CORO1C: variants seen among roughly 807,000 people sequenced by gnomAD.
The protein encoded by CORO1C is coronin 1C.
In CORO1C, 14 loss-of-function variants were observed where a neutral mutation model predicts 51.2. The observed-to-expected ratio is 0.27, with a 90% confidence interval of 0.18 to 0.43. The LOEUF is 0.43. CORO1C is among the 20% of genes least tolerant of loss of function. The probability of loss-of-function intolerance (pLI) is 1.00; values close to 1 mark genes in which losing one functional copy is unlikely to be tolerated. For missense variants in CORO1C, 417 were observed against 607.8 expected, an observed-to-expected ratio of 0.69 and a Z score of 3.30; for synonymous variants, 181 against 210.5, an observed-to-expected ratio of 0.86 and a Z score of 1.21.
rs1223375075 is a variant in CORO1C, at chr12:108,647,136, AAGTT to A, written c.*263_*266del. On this transcript the variant is annotated 3_prime_UTR_variant, in exon 11 of 11. Coordinates refer to ENST00000261401, the MANE Select transcript of CORO1C (RefSeq NM_014325.4). The stretch of plus-strand genomic sequence containing the variant: ...GATTTTAAAAGTAGCACTTTTTAAA[AAGTT>A]CAACAAGTCACATAACACTTAAAAC... The A allele has an allele frequency of 3.1e-6, 1 of 323,800 alleles. No individual in the cohort carries two copies. Among genetic ancestry groups the A allele is most frequent in the Non-Finnish European group, 5.6e-6 (1 of 180,012 alleles). 20.1% of individuals were successfully genotyped at this position (323,800 alleles called of 1,614,324 possible). A position where few individuals can be genotyped will look rare whatever the true frequency, so the allele number is the denominator to read the frequency against.
At chr12:108,659,020 GAGAGAGAGAGAGAGAA>G (rs2033145023) in intron 4 of CORO1C, 101 bp from the exon 5 acceptor site, 4 of 492,536 alleles carry the variant, frequency 8.1e-6, no homozygotes, top group African/African-American at 4.1e-5. Flanking sequence ...TGTATATGCA[GAGAGAGAGAGAGAGAA>G]AGAGAGAGAG....
At chr12:108,693,169 A>C (rs888460263) in intron 2 of CORO1C, among the ~76,000 whole-genome samples, 2 of 152,168 alleles carry the variant, frequency 1.3e-5, no homozygotes, top group African/African-American at 4.8e-5. Context: ...AATTAATAAA[A>C]ATATACATGT....
At chr12:108,698,944 T>C (rs1356569143) in intron 2 of CORO1C, among the ~76,000 whole-genome samples, 1 of 152,170 alleles carries the variant, frequency 6.6e-6, no homozygotes, top group African/African-American at 2.4e-5. Context: ...CTATCGACTA[T>C]AGAAACCCAA....
chr12:108,715,825 C>T (rs1368559451), intron 1 of CORO1C, among the ~76,000 whole-genome samples: 1 of 152,014 alleles, frequency 6.6e-6, no homozygotes, highest in Non-Finnish European at 1.5e-5. Flanking sequence ...AGTGACCTAG[C>T]AATCTCACTT....
chr12:108,686,753 C>T (rs1471219522), intron 2 of CORO1C, among the ~76,000 whole-genome samples: 1 of 152,198 alleles, frequency 6.6e-6, no homozygotes, highest in African/African-American at 2.4e-5. Context: ...AGGCTCTGCT[C>T]CAGAGCCAGT....
chr12:108,669,069 G>C (rs1389262843), intron 3 of CORO1C, among the ~76,000 whole-genome samples: 1 of 152,138 alleles, frequency 6.6e-6, no homozygotes, highest in Non-Finnish European at 1.5e-5. Context: ...GTACATGAAA[G>C]GTAAACTGTG....
intron 1 of CORO1C, among the ~76,000 whole-genome samples, chr12:108,721,600 A>G (rs1179711650): frequency 6.6e-6 from 1 of 152,250 alleles, no homozygotes; most frequent in African/African-American, 2.4e-5. Flanking sequence ...CAGAAAAATC[A>G]AGTCCCTAAT....
intron 1 of CORO1C, among the ~76,000 whole-genome samples, chr12:108,716,053 C>T (rs1031543790): frequency 2.1e-5 from 3 of 140,386 alleles, no homozygotes; most frequent in African/African-American, 5.3e-5. Flanking sequence ...ATCGCTTGAA[C>T]CCGGAAGTCG....
chr12:108,666,784 CTG>C (rs2033494867), intron 3 of CORO1C, among the ~76,000 whole-genome samples: 4 of 152,136 alleles, frequency 2.6e-5, no homozygotes, highest in Admixed American at 2.6e-4. Flanking sequence ...CTGGGGACAG[CTG>C]TGCTTACTCA....
chr12:108,652,412 G>A lies in CORO1C; in HGVS notation c.861C>T (p.Asp287=), dbSNP rs1322258654. The A allele has an allele frequency of 6.2e-7, 1 of 1,613,020 alleles. No homozygotes were observed. Among genetic ancestry groups the A allele is most frequent in the Non-Finnish European group, 8.5e-7 (1 of 1,179,142 alleles). Residue 287 remains aspartate, a synonymous_variant, in exon 8 of 11, where the codon GAC becomes GAT. Coordinates refer to ENST00000261401, the MANE Select transcript of CORO1C (RefSeq NM_014325.4). ...TSIIYLCGKG[D]SSIRYFEITD... The stretch of plus-strand genomic sequence containing the variant: ...TGATCTCAAAATAGCGAATACTGCT[G>A]TCACCCTGTAAGAAACCAGAGACAA...
At chr12:108,692,598 C>CAACAAATGTG (rs935283469) in intron 2 of CORO1C, among the ~76,000 whole-genome samples, 1 of 152,200 alleles carries the variant, frequency 6.6e-6, no homozygotes, top group Non-Finnish European at 1.5e-5. Context: ...AGGAAGCCCT[C>CAACAAATGTG]AACAAATGTG....
At chr12:108,707,508 A>C (rs2035060736) in intron 1 of CORO1C, among the ~76,000 whole-genome samples, 1 of 152,250 alleles carries the variant, frequency 6.6e-6, no homozygotes, top group South Asian at 2.1e-4. Flanking sequence ...AGACCTAGAC[A>C]TAAGAGCTAA....
At position 108,655,921 on chromosome 12, in the gene CORO1C, G is replaced by A. The variant is rs371355064; in HGVS notation, c.750+1383C>T. On this transcript the variant is annotated intron_variant, in intron 6 of 10. Coordinates refer to ENST00000261401, the MANE Select transcript of CORO1C (RefSeq NM_014325.4). ...AGCGCCTCTTCCCGGCCGCCATCCC[G>A]TCTAGGAAGTGAGGAGCGTCTCTGC... is the stretch of plus-strand genomic sequence containing the variant. Among the ~76,000 whole-genome samples, 318 of 151,172 alleles carry A rather than the reference G, an allele frequency of 2.1e-3. 2 individuals carry two copies. Among genetic ancestry groups the A allele is most frequent in the South Asian group, 9.4e-3 (45 of 4,784 alleles).
chr12:108,722,835 T>C (rs896565957), intron 1 of CORO1C, among the ~76,000 whole-genome samples: 2 of 152,218 alleles, frequency 1.3e-5, no homozygotes, highest in African/African-American at 2.4e-5. Flanking sequence ...TTTGTTCTAC[T>C]TGATAAAAGT....
At chr12:108,704,450 C>T (rs78317425) in intron 1 of CORO1C, among the ~76,000 whole-genome samples, 5,279 of 150,380 alleles carry the variant, frequency 0.035, 150 homozygotes, top group South Asian at 0.17. Context: ...CCAGCCTGGG[C>T]GACATAGCAA....
At chr12:108,668,243 C>T (rs1442631511) in intron 3 of CORO1C, among the ~76,000 whole-genome samples, 1 of 152,204 alleles carries the variant, frequency 6.6e-6, no homozygotes, top group East Asian at 1.9e-4. Context: ...CCCAAATGAA[C>T]CATGACGTGC....
chr12:108,700,964 A>G, intron 2 of CORO1C, 160 bp downstream of exon 2: 1 of 783,030 alleles, frequency 1.3e-6, no homozygotes, highest in Non-Finnish European at 2.1e-6. Context: ...CTGTTAGAGA[A>G]AAACTGATGT....
chr12:108,666,582 C>T (rs2033487347), intron 3 of CORO1C, among the ~76,000 whole-genome samples: 1 of 152,166 alleles, frequency 6.6e-6, no homozygotes, highest in Non-Finnish European at 1.5e-5. Flanking sequence ...TCGGTTTGGA[C>T]TGATGTTCCT....
intron 1 of CORO1C, among the ~76,000 whole-genome samples, chr12:108,715,993 T>TG (rs1252696737): frequency 6.6e-6 from 1 of 151,566 alleles, no homozygotes; most frequent in Non-Finnish European, 1.5e-5. Flanking sequence ...TGGCCAGGCG[T>TG]GGTGGCACGC....
Sources: allele counts gnomAD v4.1 joint callset (sites outside exome capture counted in the v4.1 genomes callset), GRCh38; gene constraint gnomAD v4.1.1; transcripts MANE v1.5; gene names NCBI Gene and HGNC (gene_info 2026-07-23, HGNC 2026-07-21).